Variants in ADAM22 observed in about 807,000 individuals in gnomAD.
ADAM22 encodes ADAM metallopeptidase domain 22, also known as disintegrin and metalloproteinase domain-containing protein 22.
In ADAM22, 65 loss-of-function variants were observed where a neutral mutation model predicts 144.6. That is an observed-to-expected ratio of 0.45 (90% CI 0.37 to 0.55). The LOEUF (loss-of-function observed/expected upper bound fraction) is 0.55, where lower values mean the gene tolerates loss of function less well. Among genes scored for constraint, ADAM22 ranks in the 20% least tolerant of loss-of-function variants. The probability of loss-of-function intolerance (pLI) is 0.00; values close to 1 mark genes in which losing one functional copy is unlikely to be tolerated. For synonymous variants in ADAM22, 391 were observed against 412.6 expected (o/e 0.95, Z 0.63); for missense variants, 974 against 1,184.9 (o/e 0.82, Z 2.61).
chr7:87,951,959 T>G (rs1404184660), intron 2 of ADAM22, among the ~76,000 whole-genome samples: 1 of 148,014 alleles, frequency 6.8e-6, no homozygotes. Context: ...TATTGGTATA[T>G]AAGAATGCTT....
intron 2 of ADAM22, among the ~76,000 whole-genome samples, chr7:87,946,605 G>A (rs907347600): frequency 1.6e-4 from 24 of 152,182 alleles, no homozygotes; most frequent in African/African-American, 5.8e-4. Flanking sequence ...TATTGAAGAG[G>A]GAGTTCTTTC....
chr7:88,058,489 GAAAC>G (rs753329168), intron 3 of ADAM22, among the ~76,000 whole-genome samples: 255 of 152,234 alleles, frequency 1.7e-3, no homozygotes, highest in Middle Eastern at 3.4e-3. Context: ...GATTATTAAG[GAAAC>G]AAACAGAATT....
At chr7:88,156,869 A>C (rs1222240940) in intron 22 of ADAM22, among the ~76,000 whole-genome samples, 3 of 152,054 alleles carry the variant, frequency 2.0e-5, no homozygotes, top group Non-Finnish European at 4.4e-5. Context: ...CCTAATTCAA[A>C]TATGAGCAGA....
intron 3 of ADAM22, among the ~76,000 whole-genome samples, chr7:88,008,618 G>T (rs1240043196): frequency 6.6e-6 from 1 of 151,414 alleles, no homozygotes; most frequent in Non-Finnish European, 1.5e-5. Context: ...GATGAAATTG[G>T]AAATCATCAT....
At chr7:87,991,106 G>C (rs765475786) in intron 3 of ADAM22, among the ~76,000 whole-genome samples, 2 of 152,034 alleles carry the variant, frequency 1.3e-5, no homozygotes, top group Non-Finnish European at 2.9e-5. Context: ...TTTGATTTCT[G>C]TGTTTTTTTG....
At chr7:88,049,091 TG>T (rs1326583610) in intron 3 of ADAM22, among the ~76,000 whole-genome samples, 1 of 152,206 alleles carries the variant, frequency 6.6e-6, no homozygotes, top group Non-Finnish European at 1.5e-5. Flanking sequence ...TAGGTGTTAG[TG>T]TGAAGTAAGG....
chr7:88,087,031 C>T (rs181033520), intron 4 of ADAM22, among the ~76,000 whole-genome samples: 361 of 152,092 alleles, frequency 2.4e-3, no homozygotes, highest in African/African-American at 8.5e-3. Flanking sequence ...TTTACAGAAA[C>T]GAGACACAGA....
At chr7:87,972,234 G>A (rs1487154065) in intron 2 of ADAM22, among the ~76,000 whole-genome samples, 3 of 152,146 alleles carry the variant, frequency 2.0e-5, no homozygotes, top group Non-Finnish European at 2.9e-5. Flanking sequence ...CTTCAGCAAA[G>A]TCTCAGGATA....
chr7:88,116,747 G>A lies in ADAM22; in HGVS notation c.540G>A (p.Glu180=). The change falls in exon 7 of 32, where the codon GAG becomes GAA. Residue 180 remains glutamate, a splice_region_variant and synonymous_variant. Coordinates refer to ENST00000413139, the MANE Select transcript of ADAM22 (RefSeq NM_001324418.2). Reference sequence around the variant, plus strand: ...CACTGTTGCTTGTGTCATTTCAGGAGGATTTCCATTTTCATTCAGTTTACA... The same window carrying A: ...CACTGTTGCTTGTGTCATTTCAGGAAGATTTCCATTTTCATTCAGTTTACA... ...IEPEENDTTQ[E]DFHFHSVYKS... 6.2e-7 allele frequency: 1 copy of A among 1,612,524 alleles called. No individual in the cohort carries two copies. The highest frequency in any genetic ancestry group is 8.5e-7 in the Non-Finnish European group (1 of 1,178,870).
At chr7:87,989,696 G>A (rs143554356) in intron 3 of ADAM22, among the ~76,000 whole-genome samples, 6 of 152,292 alleles carry the variant, frequency 3.9e-5, no homozygotes, top group African/African-American at 7.2e-5. Context: ...CGGCCAGATC[G>A]CTTGAGGCCA....
chr7:88,075,221 A>G (rs1037642845), intron 3 of ADAM22, among the ~76,000 whole-genome samples: 3 of 152,320 alleles, frequency 2.0e-5, no homozygotes, highest in Non-Finnish European at 4.4e-5. Context: ...ATTTTGTCAG[A>G]TGAAAATATC....
chr7:88,043,790 A>G (rs903083143), intron 3 of ADAM22, among the ~76,000 whole-genome samples: 1 of 152,222 alleles, frequency 6.6e-6, no homozygotes, highest in Admixed American at 6.5e-5. Flanking sequence ...GTAAAGGTAT[A>G]GACAAAATAA....
chr7:88,194,903 T>G (rs1367470988), intron 31 of ADAM22, among the ~76,000 whole-genome samples: 1 of 152,140 alleles, frequency 6.6e-6, no homozygotes, highest in Non-Finnish European at 1.5e-5. Context: ...GGGGTTGGTG[T>G]CTTTTCAATA....
chr7:88,032,270 GTGGAGC>G (rs1800457239), intron 3 of ADAM22, among the ~76,000 whole-genome samples: 1 of 152,206 alleles, frequency 6.6e-6, no homozygotes, highest in African/African-American at 2.4e-5. Context: ...CAAAACTGGG[GTGGAGC>G]TGCTCAGGGA....
chr7:88,127,990 G>A (rs1830843468), intron 8 of ADAM22, among the ~76,000 whole-genome samples: 1 of 151,920 alleles, frequency 6.6e-6, no homozygotes, highest in Non-Finnish European at 1.5e-5. Flanking sequence ...ACTCAAGACT[G>A]CCTGGGAGTT....
At chr7:88,158,337 A>G (rs923070143) in intron 22 of ADAM22, among the ~76,000 whole-genome samples, 1 of 152,192 alleles carries the variant, frequency 6.6e-6, no homozygotes, top group Non-Finnish European at 1.5e-5. Context: ...AGTATTAGAT[A>G]GATCATCAAG....
intron 15 of ADAM22, among the ~76,000 whole-genome samples, chr7:88,144,533 G>GA (rs1835770505): frequency 6.6e-6 from 1 of 152,042 alleles, no homozygotes; most frequent in Admixed American, 6.6e-5. Flanking sequence ...CTAATTTTTT[G>GA]ATGCTTTTCT....
At chr7:88,174,296 TAGAA>T (rs1443224687) in intron 26 of ADAM22, among the ~76,000 whole-genome samples, 1 of 152,124 alleles carries the variant, frequency 6.6e-6, no homozygotes, top group East Asian at 1.9e-4. Context: ...AACTTTGTAA[TAGAA>T]AGAAACCGGA....
chr7:88,172,324 A>C (rs1844532470), intron 26 of ADAM22, among the ~76,000 whole-genome samples: 1 of 151,970 alleles, frequency 6.6e-6, no homozygotes, highest in Admixed American at 6.6e-5. Context: ...CCACTTAAAA[A>C]GTTACTAGTG....
Sources: allele counts gnomAD v4.1 joint callset (sites outside exome capture counted in the v4.1 genomes callset), GRCh38; gene constraint gnomAD v4.1.1; transcripts MANE v1.5; gene names NCBI Gene and HGNC (gene_info 2026-07-23, HGNC 2026-07-21).